Variants in SMYD3 observed in about 807,000 individuals in gnomAD.
SMYD3 encodes the protein SET and MYND domain containing 3.
A neutral mutation model predicts 57.7 loss-of-function variants in SMYD3; 36 were observed. The observed-to-expected ratio is 0.62, with a 90% CI of 0.48 to 0.82. The LOEUF is 0.82. SMYD3 is among the 40% of genes least tolerant of loss of function. SMYD3 has a pLI of 0.00. For missense variants in SMYD3, 515 were observed against 538.8 expected (o/e 0.96, Z 0.44); for synonymous variants, 211 against 195.0 (o/e 1.08, Z -0.68).
At chr1:246,120,436 G>T (rs974251946) in intron 5 of SMYD3, among the ~76,000 whole-genome samples, 2 of 151,992 alleles carry the variant, frequency 1.3e-5, no homozygotes, top group African/African-American at 4.8e-5. Context: ...CTCAAGGGTC[G>T]CTTCCCGTAT....
intron 1 of SMYD3, among the ~76,000 whole-genome samples, chr1:246,404,789 C>T (rs1470323572): frequency 6.6e-6 from 1 of 152,068 alleles, no homozygotes; most frequent in Non-Finnish European, 1.5e-5. Flanking sequence ...TTCAAGTGAT[C>T]AATAACCACA....
intron 10 of SMYD3, among the ~76,000 whole-genome samples, chr1:245,817,463 A>T (rs1012675747): frequency 1.3e-4 from 20 of 151,196 alleles, no homozygotes; most frequent in East Asian, 9.7e-4. Flanking sequence ...AGAACAGAAA[A>T]ACTGGAAACT....
intron 1 of SMYD3, among the ~76,000 whole-genome samples, chr1:246,451,399 C>A (rs1431297225): frequency 6.6e-6 from 1 of 152,192 alleles, no homozygotes; most frequent in East Asian, 1.9e-4. Context: ...AGGCTACACA[C>A]TATACGATTC....
At chr1:245,981,650 A>C (rs935887098) in intron 5 of SMYD3, among the ~76,000 whole-genome samples, 6 of 152,232 alleles carry the variant, frequency 3.9e-5, no homozygotes, top group African/African-American at 1.4e-4. Flanking sequence ...GAAAAAGTCC[A>C]ATCTATCCTG....
intron 5 of SMYD3, among the ~76,000 whole-genome samples, chr1:246,072,382 A>G (rs78117905): frequency 6.2e-5 from 9 of 146,290 alleles, no homozygotes; most frequent in African/African-American, 7.6e-5. Flanking sequence ...TGTGCCTTCC[A>G]CTGTGCTCAC....
At chr1:246,318,026 CATG>C (rs1345110787) in intron 5 of SMYD3, among the ~76,000 whole-genome samples, 2 of 152,118 alleles carry the variant, frequency 1.3e-5, no homozygotes. Context: ...TGAATCTTAT[CATG>C]ATATTAGTGT....
chr1:245,803,146 T>C (rs753392519), intron 10 of SMYD3, among the ~76,000 whole-genome samples: 19 of 152,180 alleles, frequency 1.2e-4, no homozygotes, highest in Admixed American at 8.5e-4. Flanking sequence ...AATTCCGGAA[T>C]GGCGTGCCGA....
chr1:246,301,256 C>T (rs912910562), intron 5 of SMYD3, among the ~76,000 whole-genome samples: 1 of 152,158 alleles, frequency 6.6e-6, no homozygotes, highest in Admixed American at 6.6e-5. Flanking sequence ...GACACTTCCA[C>T]CATTCGACAG....
At chr1:246,385,436 A>T (rs1410291320) in intron 1 of SMYD3, among the ~76,000 whole-genome samples, 3 of 151,896 alleles carry the variant, frequency 2.0e-5, no homozygotes, top group Admixed American at 6.6e-5. Flanking sequence ...TAAATATTTT[A>T]AAAATATTAA....
At chr1:246,279,043 A>G (rs1039650931) in intron 5 of SMYD3, among the ~76,000 whole-genome samples, 1 of 152,116 alleles carries the variant, frequency 6.6e-6, no homozygotes, top group Non-Finnish European at 1.5e-5. Context: ...TCTAGGCCCT[A>G]AAGTGCTACT....
intron 5 of SMYD3, among the ~76,000 whole-genome samples, chr1:246,163,074 G>A (rs1437210004): frequency 6.6e-6 from 1 of 152,102 alleles, no homozygotes; most frequent in Non-Finnish European, 1.5e-5. Flanking sequence ...AATATCCTTG[G>A]AACATTAATG....
chr1:246,126,747 T>C (rs1157424731), intron 5 of SMYD3, among the ~76,000 whole-genome samples: 1 of 152,220 alleles, frequency 6.6e-6, no homozygotes. Context: ...TACTCCTCTT[T>C]AATCCAAATA....
intron 10 of SMYD3, among the ~76,000 whole-genome samples, chr1:245,791,008 C>T (rs1295411141): frequency 1.3e-5 from 2 of 152,036 alleles, no homozygotes; most frequent in Admixed American, 1.3e-4. Context: ...TGAATTTGGT[C>T]TCTGTCCTAA....
Position 246,355,101 on chromosome 1 carries a change from G to A in SMYD3, c.165-7C>T. ...TCGCATCAGCTTTTCCTTCCTGTGG[G>A]GAAAAAAATTAATTCTGCATTAAGA... On this transcript the variant is annotated splice_region_variant and splice_polypyrimidine_tract_variant and intron_variant, in intron 1 of 11. Transcript: ENST00000490107. This position sits in a 1 kb window ranked among gnomAD's most constrained non-coding sequence, Gnocchi z 5.0. 6.2e-7 allele frequency: 1 copy of A among 1,613,736 alleles called. No individual in the cohort carries two copies. Among genetic ancestry groups the A allele is most frequent in the Non-Finnish European group, 8.5e-7 (1 of 1,179,848 alleles).
At chr1:246,374,721 CAGCAGG>C (rs1298633286) in intron 1 of SMYD3, among the ~76,000 whole-genome samples, 1 of 152,188 alleles carries the variant, frequency 6.6e-6, no homozygotes, top group Non-Finnish European at 1.5e-5. Flanking sequence ...CCTGTAATCC[CAGCAGG>C]AGTGTGAGGC....
At chr1:246,387,780 T>C (rs1027589979) in intron 1 of SMYD3, among the ~76,000 whole-genome samples, 1 of 152,252 alleles carries the variant, frequency 6.6e-6, no homozygotes, top group Non-Finnish European at 1.5e-5. Flanking sequence ...GAAAAAATTA[T>C]ATTAAAAATA....
chr1:246,046,203 T>C (rs2059960085), intron 5 of SMYD3, among the ~76,000 whole-genome samples: 1 of 152,060 alleles, frequency 6.6e-6, no homozygotes, highest in Non-Finnish European at 1.5e-5. Flanking sequence ...CTATTCACAA[T>C]AGCAAAGACT....
At chr1:246,106,360 G>C (rs2061120480) in intron 5 of SMYD3, among the ~76,000 whole-genome samples, 1 of 152,184 alleles carries the variant, frequency 6.6e-6, no homozygotes, top group African/African-American at 2.4e-5. Context: ...TAAATTTGCT[G>C]AAGGTGCAGT....
chr1:246,004,533 C>G (rs189588963), intron 5 of SMYD3, among the ~76,000 whole-genome samples: 1 of 152,230 alleles, frequency 6.6e-6, no homozygotes, highest in African/African-American at 2.4e-5. Context: ...GACAGCCTCC[C>G]GATTACACTG....
Sources: allele counts gnomAD v4.1 joint callset (sites outside exome capture counted in the v4.1 genomes callset), GRCh38; gene constraint gnomAD v4.1.1; non-coding constraint Gnocchi (gnomAD v3.1); transcripts MANE v1.5; gene names NCBI Gene and HGNC (gene_info 2026-07-23, HGNC 2026-07-21).